AASS: variants seen among roughly 807,000 people sequenced by gnomAD.
AASS encodes aminoadipate-semialdehyde synthase, also known as alpha-aminoadipic semialdehyde synthase, mitochondrial.
A neutral mutation model predicts 105.4 loss-of-function variants in AASS; 86 were observed. The observed-to-expected ratio is 0.82, with a 90% CI of 0.69 to 0.98. The LOEUF is 0.98. AASS is among the 50% of genes least tolerant of loss of function. AASS has a pLI of 0.00. For missense variants in AASS, 1,048 were observed against 1,143.2 expected (o/e 0.92, Z 1.20); for synonymous variants, 381 against 394.8 (o/e 0.96, Z 0.41).
rs143129316 is a variant in AASS at position 122,084,148 on chromosome 7, A to G, written c.2184+1864T>C. ...TGAACAAATTGAAGAAAATAGATCAAGAAATCTGCCAGAGCTGGGGATAGT... is the reference window on the plus strand; with the variant it reads ...TGAACAAATTGAAGAAAATAGATCAGGAAATCTGCCAGAGCTGGGGATAGT... On this transcript the variant is annotated intron_variant, in intron 19 of 23. Transcript: ENST00000417368. 3.5e-3 allele frequency among the ~76,000 whole-genome samples: 535 copies of G among 152,326 alleles called. 6 individuals are homozygous for G. The highest frequency in any genetic ancestry group is 0.027 in the Middle Eastern group (8 of 294).
intron 13 of AASS, among the ~76,000 whole-genome samples, chr7:122,100,388 A>T (rs966987456): frequency 1.3e-5 from 2 of 151,944 alleles, no homozygotes; most frequent in African/African-American, 4.8e-5. Flanking sequence ...CTACAGGGTT[A>T]TAGAGCTAGC....
intron 17 of AASS, 119 bp downstream of exon 17, chr7:122,092,724 C>CAAA: frequency 1.8e-5 from 14 of 784,582 alleles, no homozygotes; most frequent in East Asian, 3.0e-5. Context: ...AACTCAGTCT[C>CAAA]AAAAAAAAAA....
rs58653254 is a variant in AASS at position 122,096,739 on chromosome 7, T to A, written c.1655+1711A>T. ...TGAGAAAACATTAAATATAAAACAGTTTTTGCTAATGCTAAATCCTATTGA... is the reference window on the plus strand; with the variant it reads ...TGAGAAAACATTAAATATAAAACAGATTTTGCTAATGCTAAATCCTATTGA... On this transcript the variant is annotated intron_variant, in intron 15 of 23. Coordinates refer to ENST00000417368, the MANE Select transcript of AASS (RefSeq NM_005763.4). Among the ~76,000 whole-genome samples, 626 of 152,228 alleles carry A rather than the reference T, an allele frequency of 4.1e-3. 7 individuals are homozygous for A. Among genetic ancestry groups the A allele is most frequent in the African/African-American group, 0.014 (596 of 41,552 alleles).
At chr7:122,083,504 G>GA (rs1793475039) in intron 19 of AASS, among the ~76,000 whole-genome samples, 1 of 152,070 alleles carries the variant, frequency 6.6e-6, no homozygotes, top group Non-Finnish European at 1.5e-5. Context: ...CCACAGAGAT[G>GA]AAAAAATTGC....
chr7:122,088,736 A>G (rs1192537749), intron 18 of AASS, among the ~76,000 whole-genome samples: 1 of 152,078 alleles, frequency 6.6e-6, no homozygotes, highest in Non-Finnish European at 1.5e-5. Context: ...TTTGCAGAGC[A>G]AGCACACTTC....
In AASS at chr7:122,122,669, G is replaced by A. The variant is rs376059062; in HGVS notation, c.472+3706C>T. On this transcript the variant is annotated intron_variant, in intron 4 of 23. Transcript: ENST00000417368. ...TAAATGAAAACACAAACAAAATGAG[G>A]AGTAGAGGAAATCAATCTATCCACC... Among the ~76,000 whole-genome samples, 5 of 152,112 alleles carry A rather than the reference G, an allele frequency of 3.3e-5. No homozygotes were observed. In the South Asian group the frequency reaches 1.0e-3, roughly 32 times the overall value.
At chr7:122,119,996 C>T (rs1205051669) in intron 4 of AASS, among the ~76,000 whole-genome samples, 3 of 152,124 alleles carry the variant, frequency 2.0e-5, no homozygotes, top group Non-Finnish European at 4.4e-5. Context: ...AGTTCAAACT[C>T]GTGTTGTTCA....
Position 122,092,922 on chromosome 7 carries a change from C to T in AASS, c.1796G>A (p.Gly599Asp). The change falls in exon 17 of 24, where the codon GGT (glycine) becomes GAT (aspartate). Residue 599 changes from glycine to aspartate, a missense_variant. Coordinates refer to ENST00000417368, the MANE Select transcript of AASS (RefSeq NM_005763.4). ...CAGACCAGGGTCCAATCCCAATTCA[C>T]CAATGATTGTGATGCCAGCATCTTC... The part of the protein sequence containing the change: ...SVEDAGITII[G>D]ELGLDPGLDH... 2.5e-6 allele frequency: 4 copies of T among 1,613,824 alleles called. No homozygotes were observed. Among genetic ancestry groups the T allele is most frequent in the South Asian group, 2.2e-5 (2 of 91,080 alleles).
At chr7:122,113,056 G>T in intron 11 of AASS, 62 bp downstream of exon 11, 1 of 1,333,650 alleles carries the variant, frequency 7.5e-7, no homozygotes, top group Non-Finnish European at 1.1e-6. Context: ...AACATTCACA[G>T]AATTACTCAA....
In AASS at chr7:122,118,595, G is replaced by A. The variant is rs554592041; in HGVS notation, c.508C>T (p.Leu170Phe). ...INILHGMGLR[L>F]LALGHHTPFM... ...GGTGTGTGATGTCCCAAAGCAAGGA[G>A]CCTTAAACCCATTCCATGTAAAATG... The change falls in exon 5 of 24, where the codon CTC becomes TTC. Residue 170 changes from leucine to phenylalanine, a missense_variant. By Grantham distance (22) the Leu-to-Phe change is conservative. Transcript: ENST00000417368. 18 of 1,614,010 alleles carry A rather than the reference G, an allele frequency of 1.1e-5. No individual in the cohort carries two copies. In the East Asian group the frequency reaches 3.3e-4, roughly 30 times the overall value.
At chr7:122,113,841 G>A in intron 9 of AASS, 121 bp from the exon 10 acceptor site, 1 of 1,142,896 alleles carries the variant, frequency 8.7e-7, no homozygotes, top group East Asian at 2.6e-5. Flanking sequence ...AGGCTTTTGG[G>A]GTCTTTTTCC....
In AASS at chr7:122,075,254, C is replaced by T. The variant is rs1792947684; in HGVS notation, c.*1235G>A. Among the ~76,000 whole-genome samples, 1 of 152,194 alleles carries T rather than the reference C, an allele frequency of 6.6e-6. No individual in the cohort carries two copies. The highest frequency in any genetic ancestry group is 1.5e-5 in the Non-Finnish European group (1 of 68,036). The stretch of plus-strand genomic sequence containing the variant: ...TATATTGAAAGATAACCAATTTCTG[C>T]ATATTTAATCCTGTATCCTGTAACT... On this transcript the variant is annotated 3_prime_UTR_variant, in exon 24 of 24. Coordinates refer to ENST00000417368, the MANE Select transcript of AASS (RefSeq NM_005763.4).
At position 122,116,965 on chromosome 7, in the gene AASS, T is replaced by C; in HGVS notation, c.688-8A>G. On this transcript the variant is annotated splice_region_variant and splice_polypyrimidine_tract_variant and intron_variant, in intron 6 of 23. Coordinates refer to ENST00000417368, the MANE Select transcript of AASS (RefSeq NM_005763.4). ...AAAGATTGCTTGGGCTCCCTACAAA[T>C]AACACATGAGTAAAAATCCAAAAAT... 1.9e-6 allele frequency: 3 copies of C among 1,612,028 alleles called. 1 individual carries two copies. In the South Asian group the frequency reaches 3.3e-5, roughly 18 times the overall value.
intron 22 of AASS, 76 bp from the exon 23 acceptor site, chr7:122,078,090 T>C (rs1232436413): frequency 1.7e-5 from 24 of 1,421,396 alleles, no homozygotes; most frequent in Non-Finnish European, 9.9e-7. Context: ...CCTCCTGCCC[T>C]TCTGGTCTTA....
At chr7:122,100,385 G>A (rs558934940) in intron 13 of AASS, among the ~76,000 whole-genome samples, 2 of 151,830 alleles carry the variant, frequency 1.3e-5, no homozygotes, top group East Asian at 3.9e-4. Flanking sequence ...CTCCTACAGG[G>A]TTATAGAGCT....
rs796450219 is a variant in AASS at position 122,131,276 on chromosome 7, A to T, written c.211-1739T>A. On this transcript the variant is annotated intron_variant, in intron 2 of 23. Coordinates refer to ENST00000417368, the MANE Select transcript of AASS (RefSeq NM_005763.4). ...TTGATGACGAAACCACACCAAAAAAAATTCAAATAAGTTTTTTAATACAAC... is the reference window on the plus strand; with the variant it reads ...TTGATGACGAAACCACACCAAAAAATATTCAAATAAGTTTTTTAATACAAC... Among the ~76,000 whole-genome samples, 6 of 151,924 alleles carry T rather than the reference A, an allele frequency of 3.9e-5. No homozygotes were observed. In the South Asian group the frequency reaches 1.2e-3, roughly 32 times the overall value.
rs1227306650 is a variant in AASS at position 122,086,107 on chromosome 7, A to C, written c.2089T>G (p.Leu697Val). The C allele has an allele frequency of 2.5e-6, 4 of 1,613,592 alleles. No individual in the cohort carries two copies. The highest frequency in any genetic ancestry group is 1.7e-5 in the Admixed American group (1 of 59,864). The change falls in exon 19 of 24, where the codon TTG becomes GTG. Residue 697 changes from leucine (L) to valine (V), a missense_variant. Coordinates refer to ENST00000417368, the MANE Select transcript of AASS (RefSeq NM_005763.4). ...TSMDFFPGLN[L>V]EGYPNRDSTK... ...CTGTCTCTGTTAGGATAGCCTTCCA[A>C]ATTTAATCCTGGAAAAAAATCCATG...
chr7:122,095,786 C>T (rs1022931119), intron 15 of AASS, among the ~76,000 whole-genome samples: 4 of 152,018 alleles, frequency 2.6e-5, no homozygotes, highest in African/African-American at 7.2e-5. Context: ...CTTTTGGAAA[C>T]CACTGAGCAA....
intron 2 of AASS, among the ~76,000 whole-genome samples, chr7:122,131,129 A>G (rs1036604397): frequency 1.3e-5 from 2 of 151,856 alleles, no homozygotes; most frequent in African/African-American, 4.8e-5. Flanking sequence ...AAATGAAAAC[A>G]TGACTTCATT....
Sources: allele counts gnomAD v4.1 joint callset (sites outside exome capture counted in the v4.1 genomes callset), GRCh38; gene constraint gnomAD v4.1.1; transcripts MANE v1.5; gene names NCBI Gene and HGNC (gene_info 2026-07-23, HGNC 2026-07-21).